Variants in CAMK1D observed in about 807,000 individuals in gnomAD.
CAMK1D encodes calcium/calmodulin-dependent protein kinase type 1D.
In CAMK1D, 9 loss-of-function variants were observed where a neutral mutation model predicts 47.7. That is an observed-to-expected ratio of 0.19 (90% CI 0.11 to 0.33). The LOEUF (loss-of-function observed/expected upper bound fraction) is 0.33. CAMK1D is among the 10% of genes least tolerant of loss of function. CAMK1D has a pLI of 1.00. For missense variants in CAMK1D, 291 were observed against 488.7 expected (o/e 0.60, Z 3.81); for synonymous variants, 184 against 184.9 (o/e 0.99, Z 0.04).
intron 5 of CAMK1D, among the ~76,000 whole-genome samples, chr10:12,782,861 G>A (rs981422647): frequency 1.3e-5 from 2 of 152,192 alleles, no homozygotes; most frequent in Non-Finnish European, 2.9e-5. Context: ...TGAGGCATAG[G>A]CAAGGTAATG....
At chr10:12,747,537 A>C (rs1365182846) in intron 3 of CAMK1D, among the ~76,000 whole-genome samples, 2 of 152,044 alleles carry the variant, frequency 1.3e-5, no homozygotes, top group African/African-American at 4.8e-5. Context: ...TATGTTGCCC[A>C]GGCTGGTCTT....
At position 12,733,479 on chromosome 10, in the gene CAMK1D, A is replaced by G. The variant is rs371313671; in HGVS notation, c.300-27469A>G. Among the ~76,000 whole-genome samples, 21 of 152,342 alleles carry G rather than the reference A, an allele frequency of 1.4e-4. No homozygotes were observed. In the East Asian group the frequency reaches 3.3e-3, roughly 24 times the overall value. On this transcript the variant is annotated intron_variant, in intron 3 of 10. Coordinates refer to ENST00000619168, the MANE Select transcript of CAMK1D (RefSeq NM_153498.4). ...GGAAATTTTCAACACTTCCTGGCAT[A>G]GAGTGGCTTCTTTAATTAATTGAAT... is the stretch of plus-strand genomic sequence containing the variant.
At chr10:12,649,798 T>C (rs891384015) in intron 2 of CAMK1D, among the ~76,000 whole-genome samples, 1 of 152,208 alleles carries the variant, frequency 6.6e-6, no homozygotes, top group Non-Finnish European at 1.5e-5. Context: ...ATTTACACTC[T>C]GGTCAAATGG....
At chr10:12,766,955 TCTTCACTGCGATGTTGACA>T (rs1836791220) in intron 4 of CAMK1D, among the ~76,000 whole-genome samples, 1 of 152,146 alleles carries the variant, frequency 6.6e-6, no homozygotes, top group South Asian at 2.1e-4. Context: ...TCTGAAAATT[TCTTCACTGCGATGTTGACA>T]CATCAGAATG....
chr10:12,666,708 T>A, intron 2 of CAMK1D, 28 bp from the exon 3 acceptor site: 1 of 1,572,784 alleles, frequency 6.4e-7, no homozygotes, highest in Non-Finnish European at 8.7e-7. Flanking sequence ...TCATACTCAC[T>A]ATTTTGTGCG....
intron 1 of CAMK1D, among the ~76,000 whole-genome samples, chr10:12,400,685 C>G (rs1283790600): frequency 2.0e-5 from 3 of 152,044 alleles, no homozygotes; most frequent in African/African-American, 7.2e-5. Flanking sequence ...CCTGATTTCT[C>G]TGGAATCCCC....
intron 2 of CAMK1D, among the ~76,000 whole-genome samples, chr10:12,589,698 G>A (rs1837939716): frequency 6.6e-6 from 1 of 152,172 alleles, no homozygotes. Flanking sequence ...TCAGATAGGG[G>A]TGGGCAGGGG....
At chr10:12,561,850 T>G (rs2132292131) in intron 2 of CAMK1D, among the ~76,000 whole-genome samples, 1 of 152,328 alleles carries the variant, frequency 6.6e-6, no homozygotes, top group South Asian at 2.1e-4. Context: ...CTTATAGCAC[T>G]CCCTGAATTG....
chr10:12,527,350 C>G (rs1405304120), intron 1 of CAMK1D, among the ~76,000 whole-genome samples: 1 of 84,000 alleles, frequency 1.2e-5, no homozygotes, highest in Non-Finnish European at 2.2e-5. Flanking sequence ...ACTTGACTTG[C>G]TTTTTTTTTT....
At chr10:12,468,275 T>C (rs1451762507) in intron 1 of CAMK1D, among the ~76,000 whole-genome samples, 1 of 152,162 alleles carries the variant, frequency 6.6e-6, no homozygotes, top group Non-Finnish European at 1.5e-5. Context: ...CCAGGCTGGC[T>C]CATCTCAAAC....
intron 1 of CAMK1D, among the ~76,000 whole-genome samples, chr10:12,479,825 G>A (rs1321889894): frequency 3.3e-5 from 5 of 152,196 alleles, no homozygotes; most frequent in East Asian, 1.9e-4. Flanking sequence ...CCGAGGGAGT[G>A]CATTGTCTGT....
intron 1 of CAMK1D, 59 bp from the exon 2 acceptor site, chr10:12,553,163 TGGA>T: frequency 6.2e-7 from 1 of 1,609,758 alleles, no homozygotes; most frequent in East Asian, 2.2e-5. Context: ...GTAGGGTGAA[TGGA>T]GCCATTGTGA....
At chr10:12,528,736 C>CTTTTTTTTTTTT (rs34250007) in intron 1 of CAMK1D, among the ~76,000 whole-genome samples, 4 of 137,910 alleles carry the variant, frequency 2.9e-5, no homozygotes, top group African/African-American at 5.4e-5. Context: ...AAATCCTCAT[C>CTTTTTTTTTTTT]TTTTTTTTTT....
chr10:12,720,496 C>G (rs537183988), intron 3 of CAMK1D, among the ~76,000 whole-genome samples: 25 of 152,312 alleles, frequency 1.6e-4, no homozygotes, highest in Non-Finnish European at 2.8e-4. Flanking sequence ...CTAGGCATTC[C>G]TACTAATCTT....
chr10:12,643,869 G>C (rs1323374769), intron 2 of CAMK1D, among the ~76,000 whole-genome samples: 1 of 148,234 alleles, frequency 6.7e-6, no homozygotes, highest in Non-Finnish European at 1.5e-5. Context: ...GGGCGACAGA[G>C]TGAGACTCTG....
chr10:12,505,913 C>T (rs1834857137), intron 1 of CAMK1D, among the ~76,000 whole-genome samples: 1 of 152,080 alleles, frequency 6.6e-6, no homozygotes, highest in African/African-American at 2.4e-5. Flanking sequence ...CATCACATGT[C>T]AATGGAAATC....
chr10:12,631,121 A>C (rs999989262), intron 2 of CAMK1D, among the ~76,000 whole-genome samples: 2 of 152,178 alleles, frequency 1.3e-5, no homozygotes, highest in Non-Finnish European at 2.9e-5. Context: ...TGTGTGTATA[A>C]AATATTGACC....
intron 6 of CAMK1D, among the ~76,000 whole-genome samples, chr10:12,813,105 C>G (rs971895182): frequency 1.3e-5 from 2 of 152,170 alleles, no homozygotes; most frequent in African/African-American, 4.8e-5. Context: ...CACCAGAACT[C>G]TAAATTATAA....
At position 12,541,868 on chromosome 10, in the gene CAMK1D, TTCCTTCCTTCCTTCCTTCC is replaced by T. The variant is rs1327698850; in HGVS notation, c.93-11355_93-11337del. Among the ~76,000 whole-genome samples, 248 of 148,992 alleles carry T rather than the reference TTCCTTCCTTCCTTCCTTCC, an allele frequency of 1.7e-3. 1 individual carries two copies. Among genetic ancestry groups the T allele is most frequent in the African/African-American group, 5.9e-3 (240 of 40,434 alleles). On this transcript the variant is annotated intron_variant, in intron 1 of 10. Coordinates refer to ENST00000619168, the MANE Select transcript of CAMK1D (RefSeq NM_153498.4). ...CTTCCTTCCTTCCTTCCTTCCTTCC[TTCCTTCCTTCCTTCCTTCC>T]TTTTTTTTTTTCAGGTCTCTCTTTG...
Sources: allele counts gnomAD v4.1 joint callset (sites outside exome capture counted in the v4.1 genomes callset), GRCh38; gene constraint gnomAD v4.1.1; transcripts MANE v1.5; gene names NCBI Gene and HGNC (gene_info 2026-07-23, HGNC 2026-07-21).